The following KBTBD3 variants were observed in gnomAD, a reference collection of about 807,000 sequenced individuals.
The protein encoded by KBTBD3 is kelch repeat and BTB domain-containing protein 3.
In KBTBD3, 38 loss-of-function variants were observed where a neutral mutation model predicts 49.6. That is an observed-to-expected ratio of 0.77 (90% CI 0.59 to 1.00). The LOEUF (loss-of-function observed/expected upper bound fraction) is 1.00. Ranked by LOEUF, KBTBD3 falls within the 50% of genes least tolerant of loss-of-function variation. KBTBD3 has a pLI of 0.00. For synonymous variants in KBTBD3, 214 were observed against 250.4 expected, an observed-to-expected ratio of 0.85 and a Z score of 1.37; for missense variants, 661 against 712.0, an observed-to-expected ratio of 0.93 and a Z score of 0.81.
intron 3 of KBTBD3, chr11:106,057,469 A>T (rs1489415430): frequency 6.6e-6 from 1 of 152,226 alleles, no homozygotes; most frequent in Non-Finnish European, 1.5e-5. Context: ...AGGAAGGCTG[A>T]AGATCAGGGT....
chr11:106,071,063 C>T (rs1219958567), intron 2 of KBTBD3, among the ~76,000 whole-genome samples: 2 of 152,100 alleles, frequency 1.3e-5, no homozygotes, highest in Non-Finnish European at 2.9e-5. Flanking sequence ...TCTATCTTTA[C>T]AACTTCTTGT....
chr11:106,068,362 C>G (rs566000685), intron 2 of KBTBD3, among the ~76,000 whole-genome samples: 2 of 152,130 alleles, frequency 1.3e-5, no homozygotes, highest in African/African-American at 4.8e-5. Context: ...TCTCCACACA[C>G]TTGGAAACAT....
chr11:106,057,949 TC>T, intron 3 of KBTBD3: 1 of 397,826 alleles, frequency 2.5e-6, no homozygotes, highest in Middle Eastern at 6.3e-4. Flanking sequence ...AACACAGGGA[TC>T]CCCCAAACAA....
rs754907418 is a variant in KBTBD3 at position 106,053,180 on chromosome 11, TTTAA to T, written c.1505_1508del (p.Ile502LysfsTer5). The T allele has an allele frequency of 6.2e-6, 10 of 1,613,548 alleles. No homozygotes were observed. Among genetic ancestry groups the T allele is most frequent in the Non-Finnish European group, 8.5e-6 (10 of 1,179,788 alleles). On this transcript the variant is annotated frameshift_variant, in exon 4 of 4. Transcript: ENST00000531837. LOFTEE classifies it high-confidence loss of function. ...ACAGTGTACAGTTTACTGGTACAGC[TTTAA>T]TTAATGTTGCATGAAAAAATTGCCC...
intron 2 of KBTBD3, among the ~76,000 whole-genome samples, chr11:106,069,758 G>T (rs2135020508): frequency 6.6e-6 from 1 of 151,970 alleles, no homozygotes; most frequent in East Asian, 1.9e-4. Context: ...ATACAGATGA[G>T]ATTACTGTAA....
At chr11:106,071,720 A>G (rs1263695385) in intron 2 of KBTBD3, among the ~76,000 whole-genome samples, 1 of 152,168 alleles carries the variant, frequency 6.6e-6, no homozygotes, top group African/African-American at 2.4e-5. Flanking sequence ...GACATTTGCA[A>G]CTAGAGAAAT....
Position 106,052,400 on chromosome 11 carries a change from A to T in KBTBD3, c.*450T>A, listed in dbSNP as rs1032225396. 4 of 153,318 alleles carry T rather than the reference A, an allele frequency of 2.6e-5. No homozygotes were observed. The highest frequency in any genetic ancestry group is 9.6e-5 in the African/African-American group (4 of 41,456). 9.5% of individuals were successfully genotyped at this position (153,318 alleles called of 1,614,324 possible). On this transcript the variant is annotated 3_prime_UTR_variant, in exon 4 of 4. Transcript: ENST00000531837. ...AAAAAGGGTAAAAAGGGTACCTAAA[A>T]GAAGTTAACCAATCATCACAAATGA...
chr11:106,072,775 A>G (rs1358082500), intron 2 of KBTBD3, among the ~76,000 whole-genome samples: 1 of 152,192 alleles, frequency 6.6e-6, no homozygotes, highest in African/African-American at 2.4e-5. Flanking sequence ...TTCAATATAC[A>G]GCATGATTTC....
intron 2 of KBTBD3, among the ~76,000 whole-genome samples, chr11:106,064,134 G>A (rs1247582226): frequency 2.0e-5 from 3 of 152,108 alleles, no homozygotes; most frequent in Non-Finnish European, 2.9e-5. Flanking sequence ...GAACACAAGC[G>A]CTATCATTGC....
At chr11:106,074,389 A>C (rs1860989596) in intron 2 of KBTBD3, among the ~76,000 whole-genome samples, 1 of 152,158 alleles carries the variant, frequency 6.6e-6, no homozygotes, top group African/African-American at 2.4e-5. Flanking sequence ...TACTCCATTA[A>C]AACTGCCCTT....
chr11:106,070,287 G>C (rs1336815660), intron 2 of KBTBD3, among the ~76,000 whole-genome samples: 2 of 151,924 alleles, frequency 1.3e-5, no homozygotes, highest in African/African-American at 4.8e-5. Flanking sequence ...CTCTGTGAAA[G>C]TCCCTTTATT....
intron 1 of KBTBD3, among the ~76,000 whole-genome samples, chr11:106,077,062 C>T (rs1384745113): frequency 2.0e-5 from 3 of 152,090 alleles, no homozygotes; most frequent in African/African-American, 7.2e-5. Context: ...CGGGAGCGTA[C>T]TGTGTGAGGG....
rs181053691 is a variant in KBTBD3 at position 106,074,828 on chromosome 11, G to A, written c.-13+1679C>T. On this transcript the variant is annotated intron_variant, in intron 2 of 3. Coordinates refer to ENST00000531837, the MANE Select transcript of KBTBD3 (RefSeq NM_198439.3). The stretch of plus-strand genomic sequence containing the variant: ...AGCCAAAAACACTTGGAGATGGATT[G>A]GATATAGGGAGTCAAAGAAGAGCAG... Among the ~76,000 whole-genome samples the A allele has an allele frequency of 3.9e-5, 6 of 152,250 alleles. No individual in the cohort carries two copies. The East Asian group carries it at 7.7e-4, about 20-fold the overall frequency.
At position 106,057,808 on chromosome 11, in the gene KBTBD3, T is replaced by G. The variant is rs1473899976; in HGVS notation, c.233+1057A>C. ...AGGAGAGGATAAATTTTTAAATCGG[T>G]TAGACCCTCCTCTCCCCGTAATACA... On this transcript the variant is annotated intron_variant, in intron 3 of 3. Transcript: ENST00000531837. 12 of 361,168 alleles carry G rather than the reference T, an allele frequency of 3.3e-5. No individual in the cohort carries two copies. The Admixed American group carries it at 5.6e-4, about 17-fold the overall frequency. 22.4% of individuals were successfully genotyped at this position (361,168 alleles called of 1,614,324 possible).
intron 2 of KBTBD3, among the ~76,000 whole-genome samples, chr11:106,066,745 A>C (rs1016470247): frequency 6.6e-5 from 10 of 151,736 alleles, no homozygotes; most frequent in Non-Finnish European, 1.2e-4. Context: ...AAAAAAAAAA[A>C]AACAAAAAGA....
At position 106,053,264 on chromosome 11, in the gene KBTBD3, G is replaced by A; in HGVS notation, c.1425C>T (p.Cys475=). The change falls in exon 4 of 4, where the codon TGC becomes TGT. Residue 475 remains cysteine (C), a synonymous_variant. Coordinates refer to ENST00000531837, the MANE Select transcript of KBTBD3 (RefSeq NM_198439.3). ...ITDAFNPSLD[C]FFKYNATTDQ... is the part of the protein sequence containing the mutation. ...CAGTTGTAGCATTGTATTTAAAAAA[G>A]CAATCAAGTGATGGGTTAAAAGCAT... is the stretch of plus-strand genomic sequence containing the variant. 1 of 1,613,556 alleles carries A rather than the reference G, an allele frequency of 6.2e-7. No homozygotes were observed. Among genetic ancestry groups the A allele is most frequent in the East Asian group, 2.2e-5 (1 of 44,874 alleles).
At chr11:106,064,036 TAATC>T (rs1450180177) in intron 2 of KBTBD3, among the ~76,000 whole-genome samples, 1 of 152,168 alleles carries the variant, frequency 6.6e-6, no homozygotes, top group Non-Finnish European at 1.5e-5. Flanking sequence ...TCATTGACAT[TAATC>T]AATAAGTTTA....
At chr11:106,054,600 ATAAT>A in intron 3 of KBTBD3, 145 bp from the exon 4 acceptor site, 1 of 398,180 alleles carries the variant, frequency 2.5e-6, no homozygotes, top group South Asian at 1.1e-4. Flanking sequence ...AATATCTAGA[ATAAT>A]TATATAATAT....
chr11:106,067,398 G>A (rs1224803560), intron 2 of KBTBD3, among the ~76,000 whole-genome samples: 1 of 152,174 alleles, frequency 6.6e-6, no homozygotes, highest in Non-Finnish European at 1.5e-5. Flanking sequence ...GAGGTCAGGA[G>A]TTCAAGACCA....
Sources: allele counts gnomAD v4.1 joint callset (sites outside exome capture counted in the v4.1 genomes callset), GRCh38; gene constraint gnomAD v4.1.1; transcripts MANE v1.5; gene names NCBI Gene and HGNC (gene_info 2026-07-23, HGNC 2026-07-21).